UTP6: variants seen among roughly 807,000 people sequenced by gnomAD.
The protein encoded by UTP6 is UTP6 small subunit processome component.
In UTP6, 60 loss-of-function variants were observed where a neutral mutation model predicts 96.5. That is an observed-to-expected ratio of 0.62 (90% confidence interval 0.51 to 0.77). The LOEUF (loss-of-function observed/expected upper bound fraction) is 0.77, where lower values mean the gene tolerates loss of function less well. Ranked by LOEUF, UTP6 falls within the 30% of genes least tolerant of loss-of-function variation. The pLI, the probability that UTP6 is intolerant of heterozygous loss-of-function variation, is 0.00. For missense variants in UTP6, 637 were observed against 706.5 expected, an observed-to-expected ratio of 0.90 and a Z score of 1.12; for synonymous variants, 215 against 240.1, an observed-to-expected ratio of 0.90 and a Z score of 0.96.
At chr17:31,892,921 C>T in intron 4 of UTP6, 127 bp from the exon 5 acceptor site, 2 of 1,086,104 alleles carry the variant, frequency 1.8e-6, no homozygotes, top group South Asian at 2.8e-5. Context: ...ACCTGTAATC[C>T]CACCACTTTG....
At chr17:31,874,032 C>CAGAG (rs1910348355) in intron 14 of UTP6, 1 of 351,962 alleles carries the variant, frequency 2.8e-6, no homozygotes, top group Non-Finnish European at 5.1e-6. Flanking sequence ...CCAAGTCACT[C>CAGAG]AGAGCAACAC....
At chr17:31,901,186 C>T (rs1904960856) in intron 1 of UTP6, 1 of 250,622 alleles carries the variant, frequency 4.0e-6, no homozygotes, top group Admixed American at 4.4e-5. Flanking sequence ...CAAGGTACTA[C>T]AATCAACTTA....
At chr17:31,872,260 A>C (rs1304840827) in intron 16 of UTP6, among the ~76,000 whole-genome samples, 1 of 152,154 alleles carries the variant, frequency 6.6e-6, no homozygotes, top group African/African-American at 2.4e-5. Flanking sequence ...TCTCAACTAC[A>C]TAAAAACAAA....
chr17:31,876,181 C>T (rs376907829), intron 13 of UTP6, among the ~76,000 whole-genome samples: 1 of 151,804 alleles, frequency 6.6e-6, no homozygotes, highest in African/African-American at 2.4e-5. Flanking sequence ...GGACGACAGG[C>T]GCCCATCGCC....
chr17:31,868,159 T>A, intron 16 of UTP6, 47 bp from the exon 17 acceptor site: 1 of 1,557,660 alleles, frequency 6.4e-7, no homozygotes, highest in Non-Finnish European at 8.8e-7. Context: ...ACAAAAAGCC[T>A]CTTACATCTC....
intron 10 of UTP6, 40 bp from the exon 11 acceptor site, chr17:31,880,794 A>G (rs201697104): frequency 6.2e-7 from 1 of 1,610,726 alleles, no homozygotes; most frequent in East Asian, 2.2e-5. Flanking sequence ...CCACAACAAG[A>G]AACTGACTCA....
chr17:31,868,132 C>T lies in UTP6; in HGVS notation c.1497-20G>A, dbSNP rs773978632. ...TGTAAACTAAAAAGGAAGGAGAAAA[C>T]GTTATCTTCAACAATGACAAAAAGC... is the stretch of plus-strand genomic sequence containing the variant. On this transcript the variant is annotated intron_variant, in intron 16 of 18. Transcript: ENST00000261708. 51 of 1,606,478 alleles carry T rather than the reference C, an allele frequency of 3.2e-5. No individual in the cohort carries two copies. Among genetic ancestry groups the T allele is most frequent in the Middle Eastern group, 1.7e-4 (1 of 6,052 alleles).
In UTP6 at chr17:31,863,208, T is replaced by G. The variant is rs1909623709; in HGVS notation, c.*151A>C. 1 of 839,058 alleles carries G rather than the reference T, an allele frequency of 1.2e-6. No homozygotes were observed. The highest frequency in any genetic ancestry group is 2.5e-5 in the East Asian group (1 of 39,312). The allele number at this position is 839,058 out of a possible 1,614,324, so 52.0% of individuals were successfully genotyped here. A position where few individuals can be genotyped will look rare whatever the true frequency, so the allele number is the denominator to read the frequency against. On this transcript the variant is annotated 3_prime_UTR_variant, in exon 19 of 19. Transcript: ENST00000261708. ...AAATTTTTTAATTTTTAAAAAGATT[T>G]AACAAGTTAACATAAAATTAAAGTG...
chr17:31,871,964 C>T (rs1398501774), intron 16 of UTP6, among the ~76,000 whole-genome samples: 1 of 151,976 alleles, frequency 6.6e-6, no homozygotes, highest in African/African-American at 2.4e-5. Context: ...GAGGCCGAGG[C>T]GGGCAGGTCA....
chr17:31,884,691 T>C (rs1483289799), intron 9 of UTP6, among the ~76,000 whole-genome samples, 186 bp from the exon 10 acceptor site: 3 of 151,262 alleles, frequency 2.0e-5, no homozygotes, highest in Admixed American at 1.3e-4. Context: ...AGCAAAGCTA[T>C]TGTTAATCTT....
chr17:31,865,954 T>C (rs1909787565), intron 17 of UTP6, among the ~76,000 whole-genome samples: 2 of 152,176 alleles, frequency 1.3e-5, no homozygotes, highest in African/African-American at 4.8e-5. Context: ...AGTATTAGAT[T>C]AAAATGCTGA....
In UTP6 at chr17:31,863,146, G is replaced by T. The variant is rs919211711; in HGVS notation, c.*213C>A. ...ACTTGAGTCCAGGAGTTCAAGACCA[G>T]CCAGGGCAACAGAGCAAGACCCAGT... is the stretch of plus-strand genomic sequence containing the variant. On this transcript the variant is annotated 3_prime_UTR_variant, in exon 19 of 19. Transcript: ENST00000261708. The T allele has an allele frequency of 1.9e-5, 10 of 530,482 alleles. No homozygotes were observed. Among genetic ancestry groups the T allele is most frequent in the Admixed American group, 1.0e-4 (3 of 29,180 alleles). 32.9% of individuals were successfully genotyped at this position (530,482 alleles called of 1,614,324 possible).
intron 2 of UTP6, among the ~76,000 whole-genome samples, chr17:31,897,443 CT>C (rs397857995): frequency 8.9e-3 from 921 of 103,198 alleles, no homozygotes; most frequent in African/African-American, 0.022. Flanking sequence ...AACTTCTAGT[CT>C]TTTTTTTTTT....
At chr17:31,892,087 T>C (rs902942237) in intron 6 of UTP6, 173 bp downstream of exon 6, 18 of 629,958 alleles carry the variant, frequency 2.9e-5, no homozygotes, top group Non-Finnish European at 5.0e-5. Flanking sequence ...AACTAGTATA[T>C]AGTAGGCAGG....
At position 31,878,723 on chromosome 17, in the gene UTP6, A is replaced by G. The variant is rs780151416; in HGVS notation, c.1026T>C (p.Asn342=). ...TCACCTTCCCTCTAAGGAACCCACT[A>G]TTTGACTTCTTAGTAAATCTTTCCA... The part of the protein sequence containing the change: ...FCLERFTKKS[N]SGFLRGKRLE... Residue 342 remains asparagine, a synonymous_variant, in exon 12 of 19, where the codon AAT becomes AAC. Coordinates refer to ENST00000261708, the MANE Select transcript of UTP6 (RefSeq NM_018428.3). 1 of 1,614,176 alleles carries G rather than the reference A, an allele frequency of 6.2e-7. No homozygotes were observed. The highest frequency in any genetic ancestry group is 1.1e-5 in the South Asian group (1 of 91,084).
intron 6 of UTP6, among the ~76,000 whole-genome samples, chr17:31,890,130 G>A (rs1911403953): frequency 1.3e-5 from 2 of 151,928 alleles, no homozygotes; most frequent in Admixed American, 1.3e-4. Context: ...TCAAGTAGCT[G>A]GGACCACATG....
intron 2 of UTP6, among the ~76,000 whole-genome samples, chr17:31,898,215 G>A (rs1567795330): frequency 6.6e-6 from 1 of 152,148 alleles, no homozygotes; most frequent in Admixed American, 6.6e-5. Flanking sequence ...TCTAATGAAC[G>A]TTTCTGGAAT....
chr17:31,866,717 TAA>T (rs61684764), intron 17 of UTP6: 3 of 109,222 alleles, frequency 2.7e-5, no homozygotes, highest in Non-Finnish European at 3.5e-5. Context: ...AGACTCCGTC[TAA>T]AAAAAAAAAA....
chr17:31,868,517 G>GAAGAGGTCTCACTAGGT (rs1909972633), intron 16 of UTP6, among the ~76,000 whole-genome samples: 1 of 151,700 alleles, frequency 6.6e-6, no homozygotes, highest in Non-Finnish European at 1.5e-5. Flanking sequence ...TTTTTGTAGA[G>GAAGAGGTCTCACTAGGT]AAGAGGTCTC....
Sources: gnomAD v4.1 joint callset for allele counts (sites outside exome capture counted in the v4.1 genomes callset) on GRCh38, gnomAD v4.1.1 for gene constraint, MANE v1.5 for transcripts, NCBI Gene and HGNC (gene_info 2026-07-23, HGNC 2026-07-21) for gene names.